RPL10A: variants seen among roughly 807,000 people sequenced by gnomAD.
RPL10A encodes the protein ribosomal protein L10a, also known as large ribosomal subunit protein uL1.
In RPL10A, 11 loss-of-function variants were observed where a neutral mutation model predicts 24.6. The observed-to-expected ratio is 0.45, with a 90% CI of 0.28 to 0.74. RPL10A has a LOEUF of 0.74. RPL10A is among the 30% of genes least tolerant of loss of function. The pLI is 0.13. For synonymous variants in RPL10A, 98 were observed against 108.5 expected, an observed-to-expected ratio of 0.90 and a Z score of 0.60; for missense variants, 136 against 273.1, an observed-to-expected ratio of 0.50 and a Z score of 3.54.
In RPL10A at chr6:35,468,792, C is replaced by G. The variant is rs769874453; in HGVS notation, c.6-7C>G. The G allele has an allele frequency of 4.0e-5, 64 of 1,589,930 alleles. 1 individual carries two copies. The South Asian group carries it at 7.2e-4, about 18-fold the overall frequency. On this transcript the variant is annotated splice_region_variant and splice_polypyrimidine_tract_variant and intron_variant, in intron 1 of 5. Coordinates refer to ENST00000322203, the MANE Select transcript of RPL10A (RefSeq NM_007104.5). ...GCCCTGAGCGCCCTGTCGCTTCTCTCCCGCAGCAGCAAAGTCTCTCGCGAC... is the reference window on the plus strand; with the variant it reads ...GCCCTGAGCGCCCTGTCGCTTCTCTGCCGCAGCAGCAAAGTCTCTCGCGAC...
chr6:35,468,473 T>C (rs1459229840), intron 1 of RPL10A, 34 bp downstream of exon 1: 2 of 1,613,838 alleles, frequency 1.2e-6, no homozygotes, highest in Non-Finnish European at 1.7e-6. Flanking sequence ...TCCGCGTTCA[T>C]CCGCGCCTTC....
rs368308609 is a variant in RPL10A at position 35,468,406 on chromosome 6, C to G, written c.-29C>G. The G allele has an allele frequency of 6.2e-7, 1 of 1,614,062 alleles. No homozygotes were observed. The highest frequency in any genetic ancestry group is 1.1e-5 in the South Asian group (1 of 91,064). Reference sequence around the variant, plus strand: ...GCGCATGCGCAAGACATGCTAGTCTCTTTTCCGGTTAGCGCGGCGTGAGAA... The same window carrying G: ...GCGCATGCGCAAGACATGCTAGTCTGTTTTCCGGTTAGCGCGGCGTGAGAA... On this transcript the variant is annotated 5_prime_UTR_variant, in exon 1 of 6. Transcript: ENST00000322203.
chr6:35,469,336 C>G (rs78498719), intron 3 of RPL10A, 45 bp from the exon 4 acceptor site: 96,661 of 1,541,382 alleles, frequency 0.063, 3,383 homozygotes, highest in Non-Finnish European at 0.072. Flanking sequence ...GCCCTTGGGA[C>G]CCAGGGCTAG....
intron 1 of RPL10A, 34 bp from the exon 2 acceptor site, chr6:35,468,765 C>T (rs771969208): frequency 5.1e-6 from 8 of 1,560,574 alleles, no homozygotes; most frequent in Middle Eastern, 1.7e-4. Flanking sequence ...GTGGACTCCG[C>T]GGCCCTGAGC....
At chr6:35,469,554 C>T in intron 4 of RPL10A, 25 bp downstream of exon 4, 2 of 1,606,510 alleles carry the variant, frequency 1.2e-6, no homozygotes, top group Non-Finnish European at 1.7e-6. Flanking sequence ...TGTGGTTTTG[C>T]ATGTGAGATG....
Position 35,468,888 on chromosome 6 carries a change from T to C in RPL10A, c.80+15T>C. The C allele has an allele frequency of 6.2e-7, 1 of 1,613,172 alleles. No homozygotes were observed. Among genetic ancestry groups the C allele is most frequent in the Non-Finnish European group, 8.5e-7 (1 of 1,179,588 alleles). On this transcript the variant is annotated intron_variant, in intron 2 of 5. Coordinates refer to ENST00000322203, the MANE Select transcript of RPL10A (RefSeq NM_007104.5). ...AAGCGCCGCAAGTGAGTGCCGACCC[T>C]GGGGCACGGCGCGGGTGGCGAGGGC...
chr6:35,468,861 G>T lies in RPL10A; in HGVS notation c.68G>T (p.Arg23Leu), dbSNP rs1286989103. 1 of 1,612,242 alleles carries T rather than the reference G, an allele frequency of 6.2e-7. No individual in the cohort carries two copies. The highest frequency in any genetic ancestry group is 8.5e-7 in the Non-Finnish European group (1 of 1,179,272). The change falls in exon 2 of 6, where the codon CGC becomes CTC. Residue 23 changes from arginine to leucine, a missense_variant. Arg to Leu is a moderately radical substitution (Grantham distance 102). This residue lies in a region of RPL10A where 88 missense variants were observed against 149.2 expected (regional missense o/e 0.59). Transcript: ENST00000322203. ...CGGGAAGTCCTGCACGGGAACCAGC[G>T]CAAGCGCCGCAAGTGAGTGCCGACC... The part of the protein sequence containing the change: ...AVREVLHGNQ[R>L]KRRKFLETVE...
At position 35,470,558 on chromosome 6, in the gene RPL10A, A is replaced by T. The variant is rs199597967; in HGVS notation, c.484-22A>T. 393 of 1,608,750 alleles carry T rather than the reference A, an allele frequency of 2.4e-4. 3 individuals are homozygous for T. In the African/African-American group the frequency reaches 4.7e-3, roughly 19 times the overall value. ...GCTATTCGTCCACCAACCTGACTTG[A>T]TCCTCTCTTCCCTCCTCCCAGGTGT... On this transcript the variant is annotated intron_variant, in intron 5 of 5. Coordinates refer to ENST00000322203, the MANE Select transcript of RPL10A (RefSeq NM_007104.5). This position sits in a 1 kb window ranked among gnomAD's most constrained non-coding sequence, Gnocchi z 4.6.
chr6:35,469,101 C>G, intron 3 of RPL10A, 74 bp downstream of exon 3: 1 of 1,589,198 alleles, frequency 6.3e-7, no homozygotes, highest in Non-Finnish European at 8.6e-7. Flanking sequence ...TCCCGCTGAG[C>G]CGGAGGCGGG....
At chr6:35,468,571 G>A in intron 1 of RPL10A, 132 bp downstream of exon 1, 2 of 1,590,706 alleles carry the variant, frequency 1.3e-6, no homozygotes, top group Non-Finnish European at 1.7e-6. Context: ...AAGGCGGGTC[G>A]GCCTGCGGGT....
intron 3 of RPL10A, 88 bp from the exon 4 acceptor site, chr6:35,469,293 T>G (rs1767971051): frequency 6.6e-7 from 1 of 1,510,224 alleles, no homozygotes; most frequent in South Asian, 1.3e-5. Flanking sequence ...CGGGTAAGGC[T>G]CGGTGGCTGC....
chr6:35,468,742 G>C, intron 1 of RPL10A, 57 bp from the exon 2 acceptor site: 2 of 1,551,318 alleles, frequency 1.3e-6, no homozygotes, highest in Admixed American at 3.9e-5. Flanking sequence ...AGGCTTCCAG[G>C]CAGTCCGAGC....
At chr6:35,469,748 TTGACC>T (rs1474312891) in intron 4 of RPL10A, among the ~76,000 whole-genome samples, 5 of 152,078 alleles carry the variant, frequency 3.3e-5, no homozygotes, top group Admixed American at 2.6e-4. Context: ...GCATTGTAAG[TTGACC>T]AGCCAGGTGC....
intron 4 of RPL10A, among the ~76,000 whole-genome samples, chr6:35,469,813 C>T (rs747753301): frequency 9.2e-5 from 14 of 152,112 alleles, no homozygotes; most frequent in Middle Eastern, 3.2e-3. Context: ...TAGGCAGTGG[C>T]ATTAGACTGC....
At position 35,469,401 on chromosome 6, in the gene RPL10A, C is replaced by T; in HGVS notation, c.182C>T (p.Pro61Leu). ...CGCAGGCTTAAGTCCACTCCCCGCC[C>T]TAAGTTCTCTGTGTGTGTCCTGGGG... Reference protein sequence around the residue: ...GTVRLKSTPRPKFSVCVLGDQ... With the variant: ...GTVRLKSTPRLKFSVCVLGDQ... Residue 61 changes from proline to leucine, a missense_variant, in exon 4 of 6, where the codon CCT (proline) becomes CTT (leucine). Physicochemically the swap from Pro to Leu is moderately conservative, Grantham distance 98. This residue lies in a region of RPL10A where 88 missense variants were observed against 149.2 expected (regional missense o/e 0.59). Coordinates refer to ENST00000322203, the MANE Select transcript of RPL10A (RefSeq NM_007104.5). 6.2e-7 allele frequency: 1 copy of T among 1,610,840 alleles called. No homozygotes were observed. The highest frequency in any genetic ancestry group is 2.2e-5 in the East Asian group (1 of 44,848).
chr6:35,470,719 G>A lies in RPL10A; in HGVS notation c.623G>A (p.Ser208Asn). ...AATGTCCGGGCCTTATATATCAAGA[G>A]CACCATGGGCAAGCCCCAGCGCCTA... Reference protein sequence around the residue: ...WQNVRALYIKSTMGKPQRLY With the variant: ...WQNVRALYIKNTMGKPQRLY The change falls in exon 6 of 6, where the codon AGC becomes AAC. Residue 208 changes from serine to asparagine, a missense_variant. Around this residue, in one of 3 missense-constraint regions of RPL10A, gnomAD observed 48 missense variants for 105.9 expected, o/e 0.45. Coordinates refer to ENST00000322203, the MANE Select transcript of RPL10A (RefSeq NM_007104.5). The surrounding 1 kb of genome is among the most constrained non-coding windows in gnomAD (Gnocchi z 4.6). 1 of 1,604,952 alleles carries A rather than the reference G, an allele frequency of 6.2e-7. No individual in the cohort carries two copies. The highest frequency in any genetic ancestry group is 8.5e-7 in the Non-Finnish European group (1 of 1,179,990).
At chr6:35,468,631 G>A (rs1389290980) in intron 1 of RPL10A, 168 bp from the exon 2 acceptor site, 4 of 1,521,368 alleles carry the variant, frequency 2.6e-6, no homozygotes. Context: ...TTCCACCGGG[G>A]CTTGGGTCTG....
Position 35,470,173 on chromosome 6 carries a change from T to C in RPL10A, c.311-6T>C. The C allele has an allele frequency of 6.2e-7, 1 of 1,611,444 alleles. No individual in the cohort carries two copies. The highest frequency in any genetic ancestry group is 8.5e-7 in the Non-Finnish European group (1 of 1,178,036). ...AGCAATGCCAATGGCTTCCTCTCTCTATCAGCCAAGAAGTATGATGCGTTT... is the reference window on the plus strand; with the variant it reads ...AGCAATGCCAATGGCTTCCTCTCTCCATCAGCCAAGAAGTATGATGCGTTT... On this transcript the variant is annotated splice_polypyrimidine_tract_variant and splice_region_variant and intron_variant, in intron 4 of 5. Transcript: ENST00000322203. The surrounding 1 kb of genome is among the most constrained non-coding windows in gnomAD (Gnocchi z 4.6).
At position 35,469,002 on chromosome 6, in the gene RPL10A, G is replaced by A. The variant is rs1767956483; in HGVS notation, c.136G>A (p.Asp46Asn). The A allele has an allele frequency of 6.2e-7, 1 of 1,612,952 alleles. No individual in the cohort carries two copies. The highest frequency in any genetic ancestry group is 1.3e-5 in the African/African-American group (1 of 74,880). ...ISLKNYDPQK[D>N]KRFSGTVRLK... ...CTTGAAGAACTATGATCCCCAGAAGGACAAGCGCTTCTCGGGCACCGTCAG... is the reference window on the plus strand; with the variant it reads ...CTTGAAGAACTATGATCCCCAGAAGAACAAGCGCTTCTCGGGCACCGTCAG... The change falls in exon 3 of 6, where the codon GAC (aspartate) becomes AAC (asparagine). Residue 46 changes from aspartate to asparagine, a missense_variant. Around this residue, in one of 3 missense-constraint regions of RPL10A, gnomAD observed 88 missense variants for 149.2 expected, o/e 0.59. Coordinates refer to ENST00000322203, the MANE Select transcript of RPL10A (RefSeq NM_007104.5).
Sources: allele counts gnomAD v4.1 joint callset (sites outside exome capture counted in the v4.1 genomes callset), GRCh38; gene constraint gnomAD v4.1.1; regional missense constraint gnomAD v4.1.1; non-coding constraint Gnocchi (gnomAD v3.1); transcripts MANE v1.5; gene names NCBI Gene and HGNC (gene_info 2026-07-23, HGNC 2026-07-21).